Variants in JAK1 observed in about 807,000 individuals in gnomAD.
The protein encoded by JAK1 is tyrosine-protein kinase JAK1.
A neutral mutation model predicts 136.6 loss-of-function variants in JAK1; 16 were observed. The ratio of observed to expected loss-of-function variants is 0.12; its 90% CI spans 0.08 to 0.18. The LOEUF is 0.18. Among genes scored for constraint, JAK1 ranks in the 10% least tolerant of loss-of-function variants. The pLI is 1.00. For synonymous variants in JAK1, 492 were observed against 519.5 expected, an observed-to-expected ratio of 0.95 and a Z score of 0.72; for missense variants, 859 against 1,450.1, an observed-to-expected ratio of 0.59 and a Z score of 6.62.
chr1:64,984,602 T>G lies in JAK1; in HGVS notation c.-78+59878A>C. The G allele has an allele frequency of 2.4e-6, 1 of 408,954 alleles. No homozygotes were observed. Among genetic ancestry groups the G allele is most frequent in the Non-Finnish European group, 4.7e-6 (1 of 211,012 alleles). The allele number at this position is 408,954 out of a possible 1,614,324, so 25.3% of individuals were successfully genotyped here. A position where few individuals can be genotyped will look rare whatever the true frequency, so the allele number is the denominator to read the frequency against. On this transcript the variant is annotated intron_variant, in intron 2 of 25. Transcript: ENST00000671954. The surrounding 1 kb of genome is among the most constrained non-coding windows in gnomAD (Gnocchi z 4.1). ...GCTGGGAGGGAGGTTGAAGGAGGCA[T>G]GATTTAGACATTGGTGGTGGTCTCC...
At chr1:64,838,667 GAC>G (rs1654646942) in intron 20 of JAK1, 78 bp from the exon 21 acceptor site, 1 of 1,490,338 alleles carries the variant, frequency 6.7e-7, no homozygotes, top group Non-Finnish European at 9.2e-7. Context: ...CAGGATATGA[GAC>G]AGAGGCCCTG....
At chr1:64,993,045 T>A (rs533472706) in intron 2 of JAK1, 1 of 152,366 alleles carries the variant, frequency 6.6e-6, no homozygotes, top group South Asian at 2.1e-4. Flanking sequence ...ATCCTGAAGC[T>A]TAAAGGTATT....
intron 2 of JAK1, among the ~76,000 whole-genome samples, chr1:65,011,249 G>A (rs1172246334): frequency 6.6e-6 from 1 of 152,156 alleles, no homozygotes; most frequent in Non-Finnish European, 1.5e-5. Flanking sequence ...GCCGAGGCGG[G>A]AGGACTGCTT....
intron 2 of JAK1, among the ~76,000 whole-genome samples, chr1:65,018,460 TAC>T (rs1646908010): frequency 1.5e-5 from 2 of 132,866 alleles, no homozygotes; most frequent in African/African-American, 2.9e-5. Flanking sequence ...CACACATACA[TAC>T]AGAGAGAGAG....
At chr1:64,988,929 T>G (rs1646625730) in intron 2 of JAK1, among the ~76,000 whole-genome samples, 2 of 147,192 alleles carry the variant, frequency 1.4e-5, no homozygotes, top group Admixed American at 6.8e-5. Flanking sequence ...TGTATGTATG[T>G]GTATATATAT....
intron 1 of JAK1, among the ~76,000 whole-genome samples, chr1:64,941,225 T>C (rs1645885003): frequency 6.6e-6 from 1 of 152,252 alleles, no homozygotes. Flanking sequence ...GAATAAATTC[T>C]CACCATCTAG....
chr1:65,055,253 T>C (rs1190209304), intron 1 of JAK1, among the ~76,000 whole-genome samples: 1 of 152,220 alleles, frequency 6.6e-6, no homozygotes, highest in Non-Finnish European at 1.5e-5. Flanking sequence ...ATCATAACAG[T>C]ATACACCCTT....
At position 64,857,228 on chromosome 1, in the gene JAK1, T is replaced by C. The variant is rs576382686; in HGVS notation, c.1458+428A>G. ...AAAAAACTGTGTTAGGCCATGTGGA[T>C]GAAGTGGCATTTGGGCGCTGGTTTG... On this transcript the variant is annotated intron_variant, in intron 10 of 24. Coordinates refer to ENST00000342505, the MANE Select transcript of JAK1 (RefSeq NM_002227.4). Among the ~76,000 whole-genome samples, 11 of 152,348 alleles carry C rather than the reference T, an allele frequency of 7.2e-5. No individual in the cohort carries two copies. In the South Asian group the frequency reaches 2.3e-3, roughly 32 times the overall value.
At chr1:64,842,161 A>C (rs1654946358) in intron 17 of JAK1, among the ~76,000 whole-genome samples, 1 of 152,252 alleles carries the variant, frequency 6.6e-6, no homozygotes, top group Non-Finnish European at 1.5e-5. Flanking sequence ...AGAATTTTAT[A>C]TAACTCTATC....
intron 2 of JAK1, chr1:64,993,580 T>G (rs957092264): frequency 2.6e-5 from 4 of 152,210 alleles, no homozygotes; most frequent in African/African-American, 9.6e-5. Flanking sequence ...AGTCCTGTAA[T>G]CCTTGATGAA....
At chr1:64,975,542 C>T (rs1254122562) in intron 2 of JAK1, among the ~76,000 whole-genome samples, 1 of 152,244 alleles carries the variant, frequency 6.6e-6, no homozygotes, top group Admixed American at 6.5e-5. Context: ...GTTAATAGGA[C>T]AAACTATGGC....
At chr1:65,038,106 C>T (rs3014974) in intron 2 of JAK1, among the ~76,000 whole-genome samples, 20,641 of 151,958 alleles carry the variant, frequency 0.14, 1,748 homozygotes, top group East Asian at 0.32. Flanking sequence ...GGGTGCACAA[C>T]CTGTGCAACA....
chr1:64,988,907 AAT>A (rs1266124404), intron 2 of JAK1, among the ~76,000 whole-genome samples: 2 of 148,434 alleles, frequency 1.3e-5, no homozygotes, highest in African/African-American at 4.9e-5. Context: ...AAAATTTAAA[AAT>A]ATATATATAT....
At chr1:64,882,757 T>G (rs912373598) in intron 3 of JAK1, among the ~76,000 whole-genome samples, 1 of 152,196 alleles carries the variant, frequency 6.6e-6, no homozygotes, top group East Asian at 1.9e-4. Context: ...GGAACTTGAC[T>G]AAGCCACAAA....
chr1:64,871,585 A>G (rs773915662), intron 5 of JAK1, among the ~76,000 whole-genome samples: 22 of 152,100 alleles, frequency 1.4e-4, no homozygotes, highest in Admixed American at 5.2e-4. Context: ...TTCCCCCAAG[A>G]CCTTCCCTGT....
chr1:64,996,438 T>G (rs1331466643), intron 2 of JAK1, among the ~76,000 whole-genome samples: 1 of 152,242 alleles, frequency 6.6e-6, no homozygotes, highest in Admixed American at 6.5e-5. Flanking sequence ...CAGTGATATT[T>G]CCCGAATTAA....
intron 1 of JAK1, among the ~76,000 whole-genome samples, chr1:64,915,656 T>C (rs1444619493): frequency 6.6e-6 from 1 of 152,240 alleles, no homozygotes; most frequent in African/African-American, 2.4e-5. Context: ...ATTTAAAAGA[T>C]GGCTACTGTA....
At chr1:65,058,491 G>C (rs777575128) in intron 1 of JAK1, 1 of 533,060 alleles carries the variant, frequency 1.9e-6, no homozygotes, top group East Asian at 5.5e-5. Flanking sequence ...TCAGCACTGT[G>C]ATAACTGAGC....
chr1:64,893,180 A>G (rs1001227163), intron 1 of JAK1, among the ~76,000 whole-genome samples: 3 of 152,158 alleles, frequency 2.0e-5, no homozygotes, highest in African/African-American at 7.2e-5. Flanking sequence ...AAGGAAAATC[A>G]CAAGCACAAT....
Sources: allele counts gnomAD v4.1 joint callset (sites outside exome capture counted in the v4.1 genomes callset), GRCh38; gene constraint gnomAD v4.1.1; non-coding constraint Gnocchi (gnomAD v3.1); transcripts MANE v1.5; gene names NCBI Gene and HGNC (gene_info 2026-07-23, HGNC 2026-07-21).